The following RNF13 variants were observed in gnomAD, a reference collection of about 807,000 sequenced individuals.
RNF13 encodes the protein E3 ubiquitin-protein ligase RNF13.
Under a neutral mutation model 37.7 loss-of-function variants are expected in RNF13, and 19 were observed. The ratio of observed to expected loss-of-function variants is 0.50; its 90% CI spans 0.35 to 0.74. RNF13 has a LOEUF of 0.74. Ranked by LOEUF, RNF13 falls within the 30% of genes least tolerant of loss-of-function variation. The probability of loss-of-function intolerance (pLI) is 0.01; values close to 1 mark genes in which losing one functional copy is unlikely to be tolerated. For missense variants in RNF13, 375 were observed against 453.0 expected, an observed-to-expected ratio of 0.83 and a Z score of 1.56; for synonymous variants, 144 against 157.8, an observed-to-expected ratio of 0.91 and a Z score of 0.65.
rs991795007 is a variant in RNF13 at position 149,867,903 on chromosome 3, A to G, written c.196-4126A>G. Among the ~76,000 whole-genome samples, 3 of 151,518 alleles carry G rather than the reference A, an allele frequency of 2.0e-5. No homozygotes were observed. In the East Asian group the frequency reaches 5.8e-4, roughly 29 times the overall value. The stretch of plus-strand genomic sequence containing the variant: ...GTTATTTTCTCTGATAGTACTTTTT[A>G]ATTCGTTGCTTTTTATTTTTAGTGA... On this transcript the variant is annotated intron_variant, in intron 3 of 9. Coordinates refer to ENST00000392894, the MANE Select transcript of RNF13 (RefSeq NM_183381.3).
intron 8 of RNF13, among the ~76,000 whole-genome samples, chr3:149,956,990 CCA>C (rs768808869): frequency 1.3e-5 from 2 of 152,264 alleles, no homozygotes; most frequent in South Asian, 4.1e-4. Context: ...AAAATCATCC[CCA>C]GTTTAGAACC....
intron 8 of RNF13, among the ~76,000 whole-genome samples, chr3:149,936,403 A>G (rs1401356945): frequency 6.6e-6 from 1 of 151,906 alleles, no homozygotes; most frequent in East Asian, 1.9e-4. Flanking sequence ...TCTAGATCTT[A>G]TATGTGTTCT....
At chr3:149,815,354 T>C (rs999346148) in intron 1 of RNF13, among the ~76,000 whole-genome samples, 1 of 152,236 alleles carries the variant, frequency 6.6e-6, no homozygotes, top group African/African-American at 2.4e-5. Context: ...CATGGTATGT[T>C]TTGCTTACTT....
chr3:149,867,561 G>A (rs1056049065), intron 3 of RNF13, among the ~76,000 whole-genome samples: 2 of 151,690 alleles, frequency 1.3e-5, no homozygotes, highest in East Asian at 3.9e-4. Flanking sequence ...GACCGCACCC[G>A]GCCTCTTGTC....
intron 4 of RNF13, among the ~76,000 whole-genome samples, chr3:149,873,049 T>C (rs904000629): frequency 2.6e-5 from 4 of 152,220 alleles, no homozygotes; most frequent in African/African-American, 7.2e-5. Context: ...GTCAAAGTAG[T>C]AGACTTCCTG....
intron 4 of RNF13, among the ~76,000 whole-genome samples, chr3:149,874,691 G>A (rs1189967618): frequency 6.6e-6 from 1 of 152,100 alleles, no homozygotes; most frequent in East Asian, 1.9e-4. Context: ...TTCTGACTTG[G>A]CTTATAAAGA....
chr3:149,889,653 A>AT (rs945001092), intron 4 of RNF13, among the ~76,000 whole-genome samples: 2,274 of 126,242 alleles, frequency 0.018, 60 homozygotes, highest in African/African-American at 0.052. Flanking sequence ...AAATCTGACA[A>AT]TTTTTTTTTT....
intron 8 of RNF13, among the ~76,000 whole-genome samples, chr3:149,924,998 G>T (rs1294629072): frequency 1.3e-5 from 2 of 152,212 alleles, no homozygotes; most frequent in African/African-American, 4.8e-5. Context: ...GGTATTTGTA[G>T]TGGTGAGTCT....
chr3:149,952,566 G>T (rs149559010), intron 8 of RNF13, among the ~76,000 whole-genome samples: 143 of 152,024 alleles, frequency 9.4e-4, no homozygotes, highest in African/African-American at 3.3e-3. Flanking sequence ...AATAATAAAA[G>T]AATAATAATG....
chr3:149,874,878 A>C (rs1559922059), intron 4 of RNF13, among the ~76,000 whole-genome samples: 1 of 152,140 alleles, frequency 6.6e-6, no homozygotes, highest in Admixed American at 6.6e-5. Flanking sequence ...CTGATGGATA[A>C]GCTGTTAGCC....
At chr3:149,840,925 A>G (rs1442424281) in intron 1 of RNF13, among the ~76,000 whole-genome samples, 5 of 152,246 alleles carry the variant, frequency 3.3e-5, no homozygotes, top group African/African-American at 4.8e-5. Flanking sequence ...AAATATATGG[A>G]TGTGTATCAC....
chr3:149,935,709 T>C (rs1719606680), intron 8 of RNF13, among the ~76,000 whole-genome samples: 1 of 152,216 alleles, frequency 6.6e-6, no homozygotes, highest in African/African-American at 2.4e-5. Flanking sequence ...GTTGACACAA[T>C]TTACATCTTT....
chr3:149,882,423 A>T (rs1334007435), intron 4 of RNF13, among the ~76,000 whole-genome samples: 1 of 152,110 alleles, frequency 6.6e-6, no homozygotes, highest in African/African-American at 2.4e-5. Flanking sequence ...TATATGAGAG[A>T]TATTTTTCTA....
intron 8 of RNF13, among the ~76,000 whole-genome samples, chr3:149,951,798 A>T (rs991774117): frequency 1.3e-5 from 2 of 152,214 alleles, no homozygotes; most frequent in Non-Finnish European, 2.9e-5. Flanking sequence ...CCTAATTAGG[A>T]AAAACTGTCA....
In RNF13 at chr3:149,864,074, T is replaced by C. The variant is rs143023168; in HGVS notation, c.196-7955T>C. 6.7e-5 allele frequency among the ~76,000 whole-genome samples: 9 copies of C among 134,796 alleles called. No homozygotes were observed. The East Asian group carries it at 2.3e-3, about 34-fold the overall frequency. The allele number at this position is 134,796 out of a possible 152,430, so 88.4% of individuals were successfully genotyped here. On this transcript the variant is annotated intron_variant, in intron 3 of 9. Coordinates refer to ENST00000392894, the MANE Select transcript of RNF13 (RefSeq NM_183381.3). Reference sequence around the variant, plus strand: ...GATGTGGTTGTAGTATTAGTATGAATGTAACTACCATAGTTTGGATATTTG... The same window carrying C: ...GATGTGGTTGTAGTATTAGTATGAACGTAACTACCATAGTTTGGATATTTG...
intron 3 of RNF13, among the ~76,000 whole-genome samples, chr3:149,860,270 A>AAAAAAAT (rs1302318768): frequency 9.6e-6 from 1 of 104,114 alleles, no homozygotes; most frequent in African/African-American, 4.2e-5. Flanking sequence ...AAAAAAAAAA[A>AAAAAAAT]ATATATATAT....
intron 4 of RNF13, among the ~76,000 whole-genome samples, chr3:149,893,065 C>G (rs73155096): frequency 0.035 from 5,367 of 152,130 alleles, 121 homozygotes; most frequent in Non-Finnish European, 0.047. Context: ...GTTTGGCTAC[C>G]CATGAGTACT....
At chr3:149,816,603 G>A (rs1045309194) in intron 1 of RNF13, among the ~76,000 whole-genome samples, 2 of 151,368 alleles carry the variant, frequency 1.3e-5, no homozygotes, top group African/African-American at 4.9e-5. Context: ...TTCCACATAA[G>A]GACACTGCCC....
chr3:149,906,693 G>T, intron 6 of RNF13, among the ~76,000 whole-genome samples: 1 of 122,670 alleles, frequency 8.2e-6, no homozygotes. Context: ...TCTCACTCCA[G>T]TTGCGCAGGC....
Sources: allele counts gnomAD v4.1 joint callset (sites outside exome capture counted in the v4.1 genomes callset), GRCh38; gene constraint gnomAD v4.1.1; transcripts MANE v1.5; gene names NCBI Gene and HGNC (gene_info 2026-07-23, HGNC 2026-07-21).